Variants in TTC3 observed in about 807,000 individuals in gnomAD.
TTC3 encodes tetratricopeptide repeat domain 3, also known as E3 ubiquitin-protein ligase TTC3.
A neutral mutation model predicts 249.6 loss-of-function variants in TTC3; 180 were observed. The ratio of observed to expected loss-of-function variants is 0.72; its 90% CI spans 0.64 to 0.82. The LOEUF (loss-of-function observed/expected upper bound fraction) is 0.82, where lower values mean the gene tolerates loss of function less well. TTC3 is among the 40% of genes least tolerant of loss of function. The pLI is 0.00. For missense variants in TTC3, 2,061 were observed against 2,398.4 expected, an observed-to-expected ratio of 0.86 and a Z score of 2.94; for synonymous variants, 717 against 805.0, an observed-to-expected ratio of 0.89 and a Z score of 1.85.
intron 27 of TTC3, among the ~76,000 whole-genome samples, chr21:37,154,985 G>A (rs367554492): frequency 2.0e-5 from 3 of 152,128 alleles, no homozygotes; most frequent in East Asian, 1.9e-4. Context: ...GTCAGCCACC[G>A]CGCCCGGTCG....
At chr21:37,107,802 T>C (rs1415096226) in intron 10 of TTC3, 1 of 152,398 alleles carries the variant, frequency 6.6e-6, no homozygotes, top group Non-Finnish European at 1.5e-5. Context: ...AGGAATGTTA[T>C]TGGCTGGGCA....
chr21:37,187,154 A>C lies in TTC3; in HGVS notation c.4923+9A>C, dbSNP rs1602093816. ...GAGCTGTGGCTGCAGAGGTGAGTCC[A>C]TGACACTTAGTGACCACTATGGCAT... On this transcript the variant is annotated intron_variant, in intron 38 of 45. Coordinates refer to ENST00000355666, the Ensembl canonical transcript of TTC3. The C allele has an allele frequency of 6.4e-7, 1 of 1,564,756 alleles. No homozygotes were observed. The highest frequency in any genetic ancestry group is 2.3e-5 in the East Asian group (1 of 43,562).
chr21:37,200,409 A>G (rs2085374730), intron 45 of TTC3, 85 bp downstream of exon 45: 1 of 1,395,188 alleles, frequency 7.2e-7, no homozygotes, highest in South Asian at 1.3e-5. Context: ...TTTTCTAGTC[A>G]TCAGTATTTA....
At chr21:37,179,531 C>G (rs1468686349) in intron 35 of TTC3, among the ~76,000 whole-genome samples, 2 of 152,150 alleles carry the variant, frequency 1.3e-5, no homozygotes, top group Non-Finnish European at 2.9e-5. Context: ...AGCTAAGAAA[C>G]CCGTCTACTT....
exon 23 of TTC3, chr21:37,148,562 G>A (rs762235627): frequency 6.3e-7 from 1 of 1,591,922 alleles, no homozygotes; most frequent in South Asian, 1.2e-5. Context: ...ATACGCATCA[G>A]CTGTTGCCAG....
intron 3 of TTC3, 141 bp downstream of exon 3, chr21:37,088,016 T>G: frequency 1.0e-6 from 1 of 962,076 alleles, no homozygotes; most frequent in South Asian, 1.9e-5. Context: ...ATCAGAACTT[T>G]TCTTTGTTAA....
intron 11 of TTC3, among the ~76,000 whole-genome samples, chr21:37,116,690 C>G (rs2043150255): frequency 6.6e-6 from 1 of 151,984 alleles, no homozygotes; most frequent in African/African-American, 2.4e-5. Context: ...GCATTCCTGT[C>G]TAGCTACTCA....
At chr21:37,112,463 C>T (rs1440809589) in intron 11 of TTC3, among the ~76,000 whole-genome samples, 1 of 152,194 alleles carries the variant, frequency 6.6e-6, no homozygotes, top group African/African-American at 2.4e-5. Context: ...AATTCCTCGA[C>T]ACATACACTC....
chr21:37,158,531 G>T (rs2080344567), intron 28 of TTC3, among the ~76,000 whole-genome samples: 1 of 152,100 alleles, frequency 6.6e-6, no homozygotes, highest in Non-Finnish European at 1.5e-5. Flanking sequence ...AAAATCTACT[G>T]ATCTTGTAGA....
At chr21:37,172,867 C>T (rs935260568) in intron 35 of TTC3, 123 bp downstream of exon 35, 1 of 1,183,612 alleles carries the variant, frequency 8.4e-7, no homozygotes, top group Middle Eastern at 2.0e-4. Flanking sequence ...GATTCTTTCT[C>T]AGAATCGCCT....
chr21:37,104,587 T>C (rs371373412), intron 10 of TTC3, among the ~76,000 whole-genome samples: 23 of 44,554 alleles, frequency 5.2e-4, no homozygotes, highest in African/African-American at 2.3e-3. Context: ...AAACTCCGTC[T>C]CAAAAAAAAA....
At position 37,125,010 on chromosome 21, in the gene TTC3, T is replaced by G. The variant is rs76088941; in HGVS notation, c.1233+268T>G. 3.8e-3 allele frequency among the ~76,000 whole-genome samples: 585 copies of G among 152,382 alleles called. 1 individual carries two copies. The highest frequency in any genetic ancestry group is 6.8e-3 in the Middle Eastern group (2 of 294). ...AAAAATAACCATTTTGCCGCTTCTC[T>G]TTGTATCTTTTCCCTTCGGTTGTTG... On this transcript the variant is annotated intron_variant, in intron 14 of 45. Coordinates refer to ENST00000355666, the Ensembl canonical transcript of TTC3.
chr21:37,083,299 A>G (rs62223591), intron 1 of TTC3: 50,035 of 985,468 alleles, frequency 0.051, 1,429 homozygotes, highest in Non-Finnish European at 0.057. Context: ...CAAGATCACA[A>G]AAGGTCTTCT....
At chr21:37,141,415 C>CCCT (rs1555887998) in intron 20 of TTC3, among the ~76,000 whole-genome samples, 3 of 151,696 alleles carry the variant, frequency 2.0e-5, no homozygotes, top group Non-Finnish European at 4.4e-5. Flanking sequence ...TGGGGAATCC[C>CCCT]CCCCCCAGCC....
chr21:37,125,957 G>A (rs1177030899), intron 14 of TTC3, 123 bp from the exon 15 acceptor site: 5 of 772,826 alleles, frequency 6.5e-6, no homozygotes, highest in Middle Eastern at 3.2e-4. Flanking sequence ...ATAACCAGCT[G>A]CATATTTTAG....
chr21:37,158,206 A>G, intron 28 of TTC3: 2 of 985,434 alleles, frequency 2.0e-6, no homozygotes, highest in Non-Finnish European at 2.4e-6. Context: ...TGCTGCTGGT[A>G]ATAAAATGCT....
chr21:37,162,092 A>C lies in TTC3; in HGVS notation c.3170+29A>C, dbSNP rs370166618. 1,290 of 1,371,232 alleles carry C rather than the reference A, an allele frequency of 9.4e-4. 19 individuals are homozygous for C. In the South Asian group the frequency reaches 0.017, roughly 18 times the overall value. 84.9% of individuals were successfully genotyped at this position (1,371,232 alleles called of 1,614,324 possible). On this transcript the variant is annotated intron_variant, in intron 31 of 45. Transcript: ENST00000355666. ...AGTATAATTTTTAAATTTTTGCTTC[A>C]TTTTAACTCAAATGTCTTTACTTAA...
chr21:37,160,898 C>T, intron 30 of TTC3, 40 bp downstream of exon 30: 1 of 1,584,282 alleles, frequency 6.3e-7, no homozygotes, highest in East Asian at 2.3e-5. Flanking sequence ...TCTAAACTCT[C>T]CAAAATAGTT....
At chr21:37,087,582 G>C (rs758182137) in intron 2 of TTC3, among the ~76,000 whole-genome samples, 181 bp downstream of exon 2, 13 of 152,166 alleles carry the variant, frequency 8.5e-5, no homozygotes, top group Non-Finnish European at 1.5e-4. Flanking sequence ...ATTGTGGAGT[G>C]CCAGAGAATG....
Sources: allele counts gnomAD v4.1 joint callset (sites outside exome capture counted in the v4.1 genomes callset), GRCh38; gene constraint gnomAD v4.1.1; transcripts MANE v1.5; gene names NCBI Gene and HGNC (gene_info 2026-07-23, HGNC 2026-07-21).